The following LAMA5 variants were observed in gnomAD, a reference collection of about 807,000 sequenced individuals.
The protein encoded by LAMA5 is laminin subunit alpha-5.
A neutral mutation model predicts 433.4 loss-of-function variants in LAMA5; 260 were observed. The ratio of observed to expected loss-of-function variants is 0.60; its 90% CI spans 0.54 to 0.66. The LOEUF (loss-of-function observed/expected upper bound fraction) is 0.66, where lower values mean the gene tolerates loss of function less well. Among genes scored for constraint, LAMA5 ranks in the 30% least tolerant of loss-of-function variants. The pLI, the probability that LAMA5 is intolerant of heterozygous loss-of-function variation, is 0.00. For synonymous variants in LAMA5, 2,620 were observed against 2,226.6 expected (o/e 1.18, Z -4.97); for missense variants, 5,378 against 5,258.5 (o/e 1.02, Z -0.70).
chr20:62,313,698 C>T lies in LAMA5; in HGVS notation c.8609G>A (p.Arg2870Gln), dbSNP rs775118252. 2.6e-5 allele frequency: 42 copies of T among 1,612,742 alleles called. No individual in the cohort carries two copies. The highest frequency in any genetic ancestry group is 1.6e-4 in the Middle Eastern group (1 of 6,082). Residue 2870 changes from arginine (R) to glutamine (Q), a missense_variant, in exon 63 of 80, where the codon CGG becomes CAG. Coordinates refer to ENST00000252999, the MANE Select transcript of LAMA5 (RefSeq NM_005560.6). ...GACGTAGAAGACGAAGTCGTCTGGC[C>T]GCAGGTTGAGCAGCCCCTCTGCCCC... The part of the protein sequence containing the change: ...APGAEGLLNL[R>Q]PDDFVFYVGG...
Position 62,317,772 on chromosome 20 carries a change from T to C in LAMA5, c.7246A>G (p.Lys2416Glu). 2 of 1,595,956 alleles carry C rather than the reference T, an allele frequency of 1.3e-6. No homozygotes were observed. Among genetic ancestry groups the C allele is most frequent in the Non-Finnish European group, 1.7e-6 (2 of 1,172,094 alleles). Residue 2416 changes from lysine to glutamate, a missense_variant, in exon 54 of 80, where the codon AAG (lysine) becomes GAG (glutamate). Physicochemically the swap from Lys to Glu is moderately conservative, Grantham distance 56. Coordinates refer to ENST00000252999, the MANE Select transcript of LAMA5 (RefSeq NM_005560.6). ...QERLEEALQR[K>E]QELSRDNATL... is the part of the protein sequence containing the mutation. ...GCATTGTCCCGGGACAGCTCCTGCT[T>C]CCTTTGCTGAAGGCAATGCAGGGGA... is the stretch of plus-strand genomic sequence containing the variant.
chr20:62,352,410 G>A, intron 3 of LAMA5, 50 bp from the exon 4 acceptor site: 1 of 1,451,310 alleles, frequency 6.9e-7, no homozygotes, highest in Non-Finnish European at 9.5e-7. Flanking sequence ...GAAAAGCCTG[G>A]GTCCCCGCGG....
intron 11 of LAMA5, among the ~76,000 whole-genome samples, chr20:62,341,104 C>CA (rs987961625): frequency 4.0e-5 from 6 of 151,810 alleles, no homozygotes; most frequent in African/African-American, 1.5e-4. Flanking sequence ...AAAGTCGTCA[C>CA]ATTCTAGGTT....
chr20:62,339,274 G>C (rs1982208910), intron 11 of LAMA5, among the ~76,000 whole-genome samples: 1 of 102,800 alleles, frequency 9.7e-6, no homozygotes, highest in African/African-American at 3.9e-5. Context: ...GTCTTGATCT[G>C]TCGCCCAGGC....
chr20:62,320,128 G>C (rs1359327042), intron 50 of LAMA5, among the ~76,000 whole-genome samples: 1 of 151,970 alleles, frequency 6.6e-6, no homozygotes, highest in Non-Finnish European at 1.5e-5. Flanking sequence ...AGACCAGCCT[G>C]ACCAACATGG....
At chr20:62,364,743 T>C (rs1986532034) in intron 1 of LAMA5, among the ~76,000 whole-genome samples, 1 of 152,218 alleles carries the variant, frequency 6.6e-6, no homozygotes, top group Admixed American at 6.5e-5. Flanking sequence ...GCCCTCTGCC[T>C]GCTCCAGCTG....
At position 62,317,391 on chromosome 20, in the gene LAMA5, C is replaced by G. The variant is rs377634095; in HGVS notation, c.7465G>C (p.Glu2489Gln). The change falls in exon 55 of 80, where the codon GAG becomes CAG. Residue 2489 changes from glutamate to glutamine, a missense_variant. Glu to Gln is a conservative substitution (Grantham distance 29). Coordinates refer to ENST00000252999, the MANE Select transcript of LAMA5 (RefSeq NM_005560.6). ...GSKLRLVEAA[E>Q]AHAQQLGQLA... ...TGGCCCAGCTGCTGTGCGTGGGCCT[C>G]GGCGGCCTCCACTAGACGCAGCTTG... 14 of 1,609,768 alleles carry G rather than the reference C, an allele frequency of 8.7e-6. No individual in the cohort carries two copies. The African/African-American group carries it at 1.7e-4, about 20-fold the overall frequency.
intron 32 of LAMA5, 118 bp from the exon 33 acceptor site, chr20:62,329,371 C>T: frequency 2.2e-6 from 1 of 457,504 alleles, no homozygotes; most frequent in Non-Finnish European, 3.5e-6. Flanking sequence ...AGCAGCAGCC[C>T]AGCCCAGCCC....
At chr20:62,354,579 C>T (rs1984879734) in intron 2 of LAMA5, among the ~76,000 whole-genome samples, 1 of 152,188 alleles carries the variant, frequency 6.6e-6, no homozygotes. Flanking sequence ...TCTCTGGTCC[C>T]TAAAAACAGC....
At chr20:62,332,811 T>C in intron 26 of LAMA5, 94 bp from the exon 27 acceptor site, 1 of 1,459,488 alleles carries the variant, frequency 6.9e-7, no homozygotes, top group Non-Finnish European at 9.2e-7. Context: ...CCCCAGGGCC[T>C]GCCCTTCAGC....
At chr20:62,356,147 T>C (rs376246739) in intron 2 of LAMA5, 10 of 152,222 alleles carry the variant, frequency 6.6e-5, no homozygotes, top group African/African-American at 2.4e-4. Context: ...CACAGGAAGA[T>C]CCTGGCCTCC....
intron 53 of LAMA5, 86 bp downstream of exon 53, chr20:62,318,368 G>A (rs1987277064): frequency 2.2e-6 from 2 of 916,180 alleles, no homozygotes; most frequent in Non-Finnish European, 3.4e-6. Context: ...GACGAGGGGA[G>A]GGGAGGGGAG....
chr20:62,309,237 C>T lies in LAMA5; in HGVS notation c.*99G>A, dbSNP rs959341959. The T allele has an allele frequency of 4.3e-5, 51 of 1,180,844 alleles. No individual in the cohort carries two copies. In the Admixed American group the frequency reaches 9.6e-4, roughly 22 times the overall value. 73.1% of individuals were successfully genotyped at this position (1,180,844 alleles called of 1,614,324 possible). A position where few individuals can be genotyped will look rare whatever the true frequency, so the allele number is the denominator to read the frequency against. The stretch of plus-strand genomic sequence containing the variant: ...ATCTTCAGAAACAAGATCTGTCACC[C>T]GTAGAGCTTAGAGTCCAAATAGACA... On this transcript the variant is annotated 3_prime_UTR_variant, in exon 80 of 80. Transcript: ENST00000252999.
At chr20:62,333,838 T>TGGGGA (rs1568943673) in intron 23 of LAMA5, 63 bp downstream of exon 23, 1 of 1,272,318 alleles carries the variant, frequency 7.9e-7, no homozygotes, top group Non-Finnish European at 1.0e-6. Context: ...GGCTTGGGAG[T>TGGGGA]GGGGTGGGGT....
Position 62,322,186 on chromosome 20 carries a change from G to C in LAMA5, c.6347-18C>G. 6.3e-7 allele frequency: 1 copy of C among 1,582,308 alleles called. No individual in the cohort carries two copies. The highest frequency in any genetic ancestry group is 8.6e-7 in the Non-Finnish European group (1 of 1,166,664). ...CTGGCAGCCTGTGGTGGGGGGCTTG[G>C]GTGAGCATGGCTGGCCTGGGACCTT... is the stretch of plus-strand genomic sequence containing the variant. On this transcript the variant is annotated intron_variant, in intron 47 of 79. Coordinates refer to ENST00000252999, the MANE Select transcript of LAMA5 (RefSeq NM_005560.6).
chr20:62,318,641 C>G lies in LAMA5; in HGVS notation c.7052G>C (p.Arg2351Pro). The change falls in exon 53 of 80, where the codon CGG becomes CCG. Residue 2351 changes from arginine to proline, a missense_variant. Physicochemically the swap from Arg to Pro is moderately radical, Grantham distance 103. Coordinates refer to ENST00000252999, the MANE Select transcript of LAMA5 (RefSeq NM_005560.6). Reference sequence around the variant, plus strand: ...GAGGCTGCTCAGCTGCTCCTGCACCCGGGCCAGCACTAGCCGAGACCAGGG... The same window carrying G: ...GAGGCTGCTCAGCTGCTCCTGCACCGGGGCCAGCACTAGCCGAGACCAGGG... ...ELAAAQRLLARVQEQLSSLWE... is the reference protein window; with the variant it reads ...ELAAAQRLLAPVQEQLSSLWE... 2 of 1,610,006 alleles carry G rather than the reference C, an allele frequency of 1.2e-6. No homozygotes were observed. Among genetic ancestry groups the G allele is most frequent in the Non-Finnish European group, 1.7e-6 (2 of 1,178,836 alleles).
Position 62,329,783 on chromosome 20 carries a change from G to C in LAMA5, c.4113C>G (p.Leu1371=). ...GACATCAGCTGGGACTCACCAGCCA[G>C]AGCCACCGGCCCTTGGGCACACGCA... ...VTVRVPKGRW[L]WLDYVLVVPE... Residue 1371 remains leucine (L), a synonymous_variant, in exon 32 of 80, where the codon CTC becomes CTG. Coordinates refer to ENST00000252999, the MANE Select transcript of LAMA5 (RefSeq NM_005560.6). 5 of 1,612,430 alleles carry C rather than the reference G, an allele frequency of 3.1e-6. No individual in the cohort carries two copies. The highest frequency in any genetic ancestry group is 4.2e-6 in the Non-Finnish European group (5 of 1,179,758).
chr20:62,324,790 T>G lies in LAMA5; in HGVS notation c.5530-236A>C, dbSNP rs1978966818. 1.9e-6 allele frequency: 1 copy of G among 536,754 alleles called. No homozygotes were observed. The highest frequency in any genetic ancestry group is 3.2e-5 in the East Asian group (1 of 31,076). The allele number at this position is 536,754 out of a possible 1,614,324, so 33.2% of individuals were successfully genotyped here. A position where few individuals can be genotyped will look rare whatever the true frequency, so the allele number is the denominator to read the frequency against. ...AGCTCTCAAAGCCACACGGATGTCC[T>G]GTCTCGGGAATGACCAGGCCTTGGG... On this transcript the variant is annotated intron_variant, in intron 41 of 79. Coordinates refer to ENST00000252999, the MANE Select transcript of LAMA5 (RefSeq NM_005560.6). The surrounding 1 kb of genome is among the most constrained non-coding windows in gnomAD (Gnocchi z 4.4).
At position 62,365,189 on chromosome 20, in the gene LAMA5, G is replaced by A. The variant is rs111889685; in HGVS notation, c.297+1760C>T. Among the ~76,000 whole-genome samples the A allele has an allele frequency of 5.9e-5, 9 of 152,232 alleles. 1 individual carries two copies. The South Asian group carries it at 6.2e-4, about 11-fold the overall frequency. ...CTCTATTGCTAGACATGAGCTGGGC[G>A]AGGCCGGCTGGTTTCTCATCCAAGC... On this transcript the variant is annotated intron_variant, in intron 1 of 79. Coordinates refer to ENST00000252999, the MANE Select transcript of LAMA5 (RefSeq NM_005560.6).
Sources: gnomAD v4.1 joint callset for allele counts (sites outside exome capture counted in the v4.1 genomes callset) on GRCh38, gnomAD v4.1.1 for gene constraint, Gnocchi (gnomAD v3.1) non-coding constraint, MANE v1.5 for transcripts, NCBI Gene and HGNC (gene_info 2026-07-23, HGNC 2026-07-21) for gene names.